CHL1: variants seen among roughly 807,000 people sequenced by gnomAD.
The protein encoded by CHL1 is neural cell adhesion molecule L1-like protein.
A neutral mutation model predicts 141.9 loss-of-function variants in CHL1; 96 were observed. The observed-to-expected ratio is 0.68, with a 90% CI of 0.57 to 0.80. The LOEUF is 0.80. Among genes scored for constraint, CHL1 ranks in the 30% least tolerant of loss-of-function variants. CHL1 has a pLI of 0.00. For synonymous variants in CHL1, 613 were observed against 502.2 expected (o/e 1.22, Z -2.95); for missense variants, 1,820 against 1,457.2 (o/e 1.25, Z -4.05).
intron 2 of CHL1, among the ~76,000 whole-genome samples, chr3:298,140 G>A (rs1014232984): frequency 2.6e-5 from 4 of 152,082 alleles, no homozygotes; most frequent in Non-Finnish European, 5.9e-5. Flanking sequence ...ATGAATGTGG[G>A]TATATCCAAC....
intron 5 of CHL1, among the ~76,000 whole-genome samples, chr3:329,619 A>AATACTATTTTCTTATAATTTTAGT (rs1701285894): frequency 6.6e-6 from 1 of 152,036 alleles, no homozygotes; most frequent in Non-Finnish European, 1.5e-5. Flanking sequence ...AAAAAGAGAT[A>AATACTATTTTCTTATAATTTTAGT]GAAATAAATT....
intron 2 of CHL1, among the ~76,000 whole-genome samples, chr3:287,282 T>C (rs1321505365): frequency 1.3e-5 from 2 of 152,216 alleles, no homozygotes; most frequent in Non-Finnish European, 2.9e-5. Context: ...TGAAGAAATC[T>C]GTCTTGTTCA....
chr3:309,899 C>A (rs1699612771), intron 2 of CHL1, among the ~76,000 whole-genome samples: 1 of 151,984 alleles, frequency 6.6e-6, no homozygotes, highest in South Asian at 2.1e-4. Context: ...TTAAAAAATT[C>A]TGAATTTATT....
intron 1 of CHL1, chr3:217,445 G>A (rs1278998878): frequency 6.6e-6 from 1 of 152,070 alleles, no homozygotes; most frequent in Non-Finnish European, 1.5e-5. Flanking sequence ...ATCTTTACGG[G>A]AAAGAAACAA....
At chr3:289,689 A>C (rs1697489632) in intron 2 of CHL1, among the ~76,000 whole-genome samples, 1 of 151,924 alleles carries the variant, frequency 6.6e-6, no homozygotes, top group Non-Finnish European at 1.5e-5. Flanking sequence ...TTGTATGCTC[A>C]TTAATACATT....
At chr3:226,374 T>TTGTA (rs75223532) in intron 1 of CHL1, among the ~76,000 whole-genome samples, 6 of 144,304 alleles carry the variant, frequency 4.2e-5, no homozygotes, top group Admixed American at 3.5e-4. Flanking sequence ...ATAGAATATT[T>TTGTA]TATATATATA....
intron 2 of CHL1, among the ~76,000 whole-genome samples, chr3:278,517 AACCATGG>A (rs1235027806): frequency 2.8e-4 from 42 of 152,174 alleles, no homozygotes; most frequent in Admixed American, 3.3e-4. Context: ...CAAAGCAATG[AACCATGG>A]CCAAGAGATC....
intron 2 of CHL1, among the ~76,000 whole-genome samples, chr3:255,593 G>C (rs1694082910): frequency 6.6e-6 from 1 of 151,984 alleles, no homozygotes; most frequent in African/African-American, 2.4e-5. Flanking sequence ...TTCTATTTTG[G>C]GCAAGTATCT....
chr3:292,799 C>T (rs1214596049), intron 2 of CHL1, among the ~76,000 whole-genome samples: 6 of 152,036 alleles, frequency 3.9e-5, no homozygotes, highest in African/African-American at 1.2e-4. Context: ...GTGGGGGAGG[C>T]GCCACACGCT....
intron 2 of CHL1, among the ~76,000 whole-genome samples, chr3:294,119 G>C (rs1054578622): frequency 2.6e-5 from 4 of 151,910 alleles, no homozygotes; most frequent in Non-Finnish European, 4.4e-5. Flanking sequence ...AGGAGTTCAA[G>C]ACCAGACTGG....
intron 1 of CHL1, among the ~76,000 whole-genome samples, chr3:239,400 C>T (rs547882280): frequency 6.6e-6 from 1 of 152,146 alleles, no homozygotes; most frequent in East Asian, 1.9e-4. Flanking sequence ...CGTTTTCAGT[C>T]TGTCTGTCCC....
chr3:241,890 T>A (rs1416882927), intron 1 of CHL1, among the ~76,000 whole-genome samples: 2 of 152,232 alleles, frequency 1.3e-5, no homozygotes, highest in East Asian at 3.9e-4. Flanking sequence ...GACGTTAGTA[T>A]CTATGTCAAT....
chr3:239,146 T>G (rs1692292478), intron 1 of CHL1, among the ~76,000 whole-genome samples: 1 of 152,074 alleles, frequency 6.6e-6, no homozygotes, highest in Non-Finnish European at 1.5e-5. Flanking sequence ...CCTCCCGGCT[T>G]CACTGGACAT....
At chr3:207,981 C>G (rs193022047) in intron 1 of CHL1, among the ~76,000 whole-genome samples, 154 of 152,256 alleles carry the variant, frequency 1.0e-3, no homozygotes, top group Admixed American at 1.8e-3. Context: ...TAACCACTGT[C>G]CCCTCAAAAA....
rs752691071 is a variant in CHL1 at position 390,864 on chromosome 3, C to T, written c.2586+48C>T. 2.1e-5 allele frequency: 32 copies of T among 1,500,740 alleles called. No individual in the cohort carries two copies. The South Asian group carries it at 3.1e-4, about 14-fold the overall frequency. The allele number at this position is 1,500,740 out of a possible 1,614,324, so 93.0% of individuals were successfully genotyped here. ...CTCTTCTTGTTGAATTGGTATCTTTCCTGAGAATAAAGAAGAATTGATTTC... is the reference window on the plus strand; with the variant it reads ...CTCTTCTTGTTGAATTGGTATCTTTTCTGAGAATAAAGAAGAATTGATTTC... On this transcript the variant is annotated intron_variant, in intron 21 of 27. Coordinates refer to ENST00000256509, the MANE Select transcript of CHL1 (RefSeq NM_006614.4).
intron 4 of CHL1, among the ~76,000 whole-genome samples, chr3:327,920 A>G (rs1217189442): frequency 1.3e-5 from 2 of 151,966 alleles, no homozygotes; most frequent in East Asian, 3.9e-4. Context: ...AAATAAATAA[A>G]TAATTTTAAT....
chr3:241,401 A>T (rs1692544278), intron 1 of CHL1, among the ~76,000 whole-genome samples: 1 of 152,168 alleles, frequency 6.6e-6, no homozygotes, highest in Non-Finnish European at 1.5e-5. Context: ...AATATTAGAT[A>T]ACTTCAGAGT....
chr3:328,851 T>C (rs1701217666), intron 5 of CHL1, among the ~76,000 whole-genome samples: 2 of 152,120 alleles, frequency 1.3e-5, no homozygotes, highest in Non-Finnish European at 2.9e-5. Context: ...CATGAAAAAT[T>C]GTACACTGGC....
In CHL1 at chr3:364,648, A is replaced by G. The variant is rs568695514; in HGVS notation, c.1585+1265A>G. Among the ~76,000 whole-genome samples, 13 of 151,638 alleles carry G rather than the reference A, an allele frequency of 8.6e-5. No homozygotes were observed. The South Asian group carries it at 2.5e-3, about 29-fold the overall frequency. ...GAGGATTAAGGACACTTTTTTTTTT[A>G]CATATACAAAAGGCATGTTGAGAAT... On this transcript the variant is annotated intron_variant, in intron 14 of 27. Transcript: ENST00000256509.
Sources: allele counts gnomAD v4.1 joint callset (sites outside exome capture counted in the v4.1 genomes callset), GRCh38; gene constraint gnomAD v4.1.1; transcripts MANE v1.5; gene names NCBI Gene and HGNC (gene_info 2026-07-23, HGNC 2026-07-21).